Variants in C9orf43 observed in about 807,000 individuals in gnomAD.
C9orf43 encodes the protein chromosome 9 open reading frame 43.
Under a neutral mutation model 59.1 loss-of-function variants are expected in C9orf43, and 45 were observed. The observed-to-expected ratio is 0.76, with a 90% confidence interval of 0.60 to 0.98. The LOEUF is 0.98. Ranked by LOEUF, C9orf43 falls within the 50% of genes least tolerant of loss-of-function variation. The pLI is 0.00. For synonymous variants in C9orf43, 203 were observed against 196.8 expected, an observed-to-expected ratio of 1.03 and a Z score of -0.26; for missense variants, 533 against 554.9, an observed-to-expected ratio of 0.96 and a Z score of 0.40.
At chr9:113,421,528 G>A (rs1828573323) in intron 5 of C9orf43, among the ~76,000 whole-genome samples, 2 of 151,860 alleles carry the variant, frequency 1.3e-5, no homozygotes, top group East Asian at 3.9e-4. Context: ...CTTGCAACAA[G>A]TGAAAAAGTT....
chr9:113,426,979 G>A (rs1239119210), intron 11 of C9orf43, among the ~76,000 whole-genome samples: 1 of 152,152 alleles, frequency 6.6e-6, no homozygotes, highest in Non-Finnish European at 1.5e-5. Context: ...AGGCATCTAG[G>A]AGGATCACAG....
intron 3 of C9orf43, among the ~76,000 whole-genome samples, chr9:113,418,358 A>C (rs1236065195): frequency 6.6e-6 from 1 of 152,198 alleles, no homozygotes; most frequent in African/African-American, 2.4e-5. Flanking sequence ...CACATAGTAT[A>C]ATGTTTCCAG....
intron 1 of C9orf43, among the ~76,000 whole-genome samples, chr9:113,411,726 T>A (rs1371482644): frequency 6.6e-6 from 1 of 152,214 alleles, no homozygotes; most frequent in Non-Finnish European, 1.5e-5. Flanking sequence ...TCCCCCAGGC[T>A]GGAGTGCAGC....
At position 113,423,317 on chromosome 9, in the gene C9orf43, C is replaced by G. The variant is rs781589001; in HGVS notation, c.484-9C>G. ...CTTTGGAGAATTCTTTCCATTGTTTCTCTTCCAGAAAAGCAAGTCATTTCT... is the reference window on the plus strand; with the variant it reads ...CTTTGGAGAATTCTTTCCATTGTTTGTCTTCCAGAAAAGCAAGTCATTTCT... On this transcript the variant is annotated splice_polypyrimidine_tract_variant and intron_variant, in intron 6 of 13. Coordinates refer to ENST00000374165, the MANE Select transcript of C9orf43 (RefSeq NM_001278629.2). 1.1e-5 allele frequency: 17 copies of G among 1,612,638 alleles called. No individual in the cohort carries two copies. In the African/African-American group the frequency reaches 2.0e-4, roughly 19 times the overall value.
chr9:113,421,098 C>G lies in C9orf43; in HGVS notation c.346-5C>G, dbSNP rs779480675. 28 of 1,610,672 alleles carry G rather than the reference C, an allele frequency of 1.7e-5. No individual in the cohort carries two copies. Among genetic ancestry groups the G allele is most frequent in the Middle Eastern group, 1.6e-4 (1 of 6,074 alleles). ...CCATACATAGGCTTTATATCTTTCT[C>G]TTAGTTTCCAGTGTTGAATTTGAAT... On this transcript the variant is annotated splice_polypyrimidine_tract_variant and splice_region_variant and intron_variant, in intron 4 of 13. Transcript: ENST00000374165.
intron 3 of C9orf43, among the ~76,000 whole-genome samples, chr9:113,416,393 A>G (rs928649111): frequency 1.3e-5 from 2 of 151,994 alleles, no homozygotes; most frequent in African/African-American, 4.8e-5. Flanking sequence ...TTGAACACCA[A>G]CTTTTCCTCT....
In C9orf43 at chr9:113,423,473, G is replaced by T; in HGVS notation, c.631G>T (p.Ala211Ser). Reference protein sequence around the residue: ...DFLPLWAQSEALPQDLLKELL... With the variant: ...DFLPLWAQSESLPQDLLKELL... ...CCTACCTCTCTGGGCTCAATCCGAAGCGTTACCTCAGGATCTACTGAAGGA... is the reference window on the plus strand; with the variant it reads ...CCTACCTCTCTGGGCTCAATCCGAATCGTTACCTCAGGATCTACTGAAGGA... Residue 211 changes from alanine (A) to serine (S), a missense_variant, in exon 7 of 14, where the codon GCG becomes TCG. Ala to Ser is a moderately conservative substitution (Grantham distance 99). Transcript: ENST00000374165. The T allele has an allele frequency of 1.9e-6, 3 of 1,613,926 alleles. No individual in the cohort carries two copies. Among genetic ancestry groups the T allele is most frequent in the Non-Finnish European group, 2.5e-6 (3 of 1,179,864 alleles).
Position 113,421,816 on chromosome 9 carries a change from C to T in C9orf43, c.446+613C>T, listed in dbSNP as rs1828585279. On this transcript the variant is annotated intron_variant, in intron 5 of 13. Coordinates refer to ENST00000374165, the MANE Select transcript of C9orf43 (RefSeq NM_001278629.2). ...TTTTTAAAAAATAATCCTGTGAGTG[C>T]TTCTCTCTATATATATGCATTTGTG... is the stretch of plus-strand genomic sequence containing the variant. 5.9e-5 allele frequency among the ~76,000 whole-genome samples: 9 copies of T among 151,558 alleles called. No homozygotes were observed. The South Asian group carries it at 1.9e-3, about 32-fold the overall frequency.
chr9:113,419,166 G>T lies in C9orf43; in HGVS notation c.345+1G>T. ...CAACTGTACTAACAGACTTCCCAAA[G>T]TAAGTCATAGATTTTAAAAGTACTT... On this transcript the variant is annotated splice_donor_variant, in intron 4 of 13. Transcript: ENST00000374165. LOFTEE classifies it high-confidence loss of function. 2 of 1,602,812 alleles carry T rather than the reference G, an allele frequency of 1.2e-6. No homozygotes were observed. The highest frequency in any genetic ancestry group is 1.7e-6 in the Non-Finnish European group (2 of 1,173,902).
chr9:113,424,044 G>T, intron 7 of C9orf43, 122 bp from the exon 8 acceptor site: 3 of 1,047,104 alleles, frequency 2.9e-6, no homozygotes, highest in African/African-American at 1.6e-5. Context: ...AACACTTGTT[G>T]GTACAGGCCT....
Position 113,428,213 on chromosome 9 carries a change from C to G in C9orf43, c.1097C>G (p.Thr366Ser), listed in dbSNP as rs745717115. Residue 366 changes from threonine (T) to serine (S), a missense_variant, in exon 12 of 14, where the codon ACT becomes AGT. Coordinates refer to ENST00000374165, the MANE Select transcript of C9orf43 (RefSeq NM_001278629.2). Reference sequence around the variant, plus strand: ...CAGCAGCAGATGGAAAAAGGAACCACTTCGAAACAGGTGAGAGTGTACCAA... The same window carrying G: ...CAGCAGCAGATGGAAAAAGGAACCAGTTCGAAACAGGTGAGAGTGTACCAA... ...KQQQQMEKGTTSKQDSTERPK... is the reference protein window; with the variant it reads ...KQQQQMEKGTSSKQDSTERPK... 3.7e-6 allele frequency: 6 copies of G among 1,614,072 alleles called. No homozygotes were observed. In the South Asian group the frequency reaches 4.4e-5, roughly 12 times the overall value.
intron 3 of C9orf43, among the ~76,000 whole-genome samples, chr9:113,415,354 A>T (rs1177786473): frequency 2.0e-5 from 3 of 152,182 alleles, no homozygotes; most frequent in Non-Finnish European, 1.5e-5. Context: ...ATGTTTGCCC[A>T]GGCTGGTCTT....
At chr9:113,419,984 G>A (rs565512899) in intron 4 of C9orf43, among the ~76,000 whole-genome samples, 6 of 152,226 alleles carry the variant, frequency 3.9e-5, no homozygotes, top group African/African-American at 1.4e-4. Context: ...GTAGTGGAGC[G>A]TATAAGGAAC....
At chr9:113,412,383 T>A (rs1828202824) in intron 1 of C9orf43, among the ~76,000 whole-genome samples, 1 of 152,266 alleles carries the variant, frequency 6.6e-6, no homozygotes, top group Non-Finnish European at 1.5e-5. Context: ...TGATAGTTTA[T>A]CTTTGATCTA....
chr9:113,414,914 C>T (rs1368326826), intron 3 of C9orf43, among the ~76,000 whole-genome samples: 1 of 152,204 alleles, frequency 6.6e-6, no homozygotes, highest in Non-Finnish European at 1.5e-5. Flanking sequence ...ATGGCACGAC[C>T]TCTGTCTCCC....
At chr9:113,422,421 T>C (rs758938002) in intron 5 of C9orf43, 128 bp from the exon 6 acceptor site, 12 of 1,310,452 alleles carry the variant, frequency 9.2e-6, no homozygotes, top group Non-Finnish European at 1.3e-5. Context: ...ATAGGAATCT[T>C]TGTGGTCATC....
intron 4 of C9orf43, among the ~76,000 whole-genome samples, chr9:113,419,806 T>A (rs111450244): frequency 0.041 from 6,229 of 152,242 alleles, 164 homozygotes; most frequent in South Asian, 0.1. Flanking sequence ...CTGAGATGGG[T>A]AGTGATTAGC....
At position 113,425,378 on chromosome 9, in the gene C9orf43, G is replaced by GCAGCAGCAA. The variant is rs1306225908; in HGVS notation, c.904_912dup (p.Gln302_Gln304dup). The GCAGCAGCAA allele has an allele frequency of 3.1e-6, 5 of 1,613,924 alleles. No individual in the cohort carries two copies. Among genetic ancestry groups the GCAGCAGCAA allele is most frequent in the Middle Eastern group, 3.3e-4 (2 of 6,038 alleles). On this transcript the variant is annotated inframe_insertion, in exon 10 of 14. Coordinates refer to ENST00000374165, the MANE Select transcript of C9orf43 (RefSeq NM_001278629.2). ...AACAGCAGCAGCGGCAGCAGCAGCA[G>GCAGCAGCAA]CAGCAGCAACAGAAGAAGGTGAAAA...
chr9:113,423,413 C>T lies in C9orf43; in HGVS notation c.571C>T (p.Pro191Ser), dbSNP rs1825380449. ...TPGMIVPPPT[P>S]VQLSEQFSSD... ...AGGGATGATCGTGCCTCCCCCAACCCCAGTGCAATTGTCTGAACAATTCAG... is the reference window on the plus strand; with the variant it reads ...AGGGATGATCGTGCCTCCCCCAACCTCAGTGCAATTGTCTGAACAATTCAG... The change falls in exon 7 of 14, where the codon CCA becomes TCA. Residue 191 changes from proline (P) to serine (S), a missense_variant. Coordinates refer to ENST00000374165, the MANE Select transcript of C9orf43 (RefSeq NM_001278629.2). 1 of 1,614,108 alleles carries T rather than the reference C, an allele frequency of 6.2e-7. No homozygotes were observed. Among genetic ancestry groups the T allele is most frequent in the Non-Finnish European group, 8.5e-7 (1 of 1,179,978 alleles).
Sources: allele counts gnomAD v4.1 joint callset (sites outside exome capture counted in the v4.1 genomes callset), GRCh38; gene constraint gnomAD v4.1.1; transcripts MANE v1.5; gene names NCBI Gene and HGNC (gene_info 2026-07-23, HGNC 2026-07-21).